NMNAT3: variants seen among roughly 807,000 people sequenced by gnomAD.
NMNAT3 encodes the protein nicotinamide nucleotide adenylyltransferase 3.
In NMNAT3, 21 loss-of-function variants were observed where a neutral mutation model predicts 24.8. The observed-to-expected ratio is 0.85, with a 90% confidence interval of 0.60 to 1.22. NMNAT3 has a LOEUF of 1.22. NMNAT3 is among the 50% of genes most tolerant of loss of function. The pLI, the probability that NMNAT3 is intolerant of heterozygous loss-of-function variation, is 0.00. For missense variants in NMNAT3, 387 were observed against 436.6 expected, an observed-to-expected ratio of 0.89 and a Z score of 1.01; for synonymous variants, 136 against 155.2, an observed-to-expected ratio of 0.88 and a Z score of 0.92.
chr3:139,648,896 G>T (rs898525963), intron 1 of NMNAT3, among the ~76,000 whole-genome samples: 2 of 151,290 alleles, frequency 1.3e-5, no homozygotes, highest in African/African-American at 4.9e-5. Flanking sequence ...TTCTCACATG[G>T]TTTAAACAAA....
intron 3 of NMNAT3, among the ~76,000 whole-genome samples, chr3:139,596,034 A>C (rs1028319355): frequency 2.6e-5 from 4 of 152,140 alleles, no homozygotes; most frequent in African/African-American, 9.7e-5. Context: ...AACCTACAAA[A>C]TTTTATATTC....
At chr3:139,657,254 A>G (rs1015725370) in intron 1 of NMNAT3, among the ~76,000 whole-genome samples, 2 of 152,242 alleles carry the variant, frequency 1.3e-5, no homozygotes, top group Non-Finnish European at 2.9e-5. Context: ...GATCTTTGGT[A>G]TTCAAGATGG....
intron 2 of NMNAT3, among the ~76,000 whole-genome samples, chr3:139,631,811 C>G (rs7653715): frequency 0.69 from 104,326 of 152,060 alleles, 37,322 homozygotes; most frequent in South Asian, 0.88. Flanking sequence ...TTACCTCCCC[C>G]CTACTGCCCT....
At chr3:139,561,449 CA>C in intron 6 of NMNAT3, 57 bp from the exon 7 acceptor site, 2 of 1,530,476 alleles carry the variant, frequency 1.3e-6, no homozygotes, top group Non-Finnish European at 1.8e-6. Flanking sequence ...CCAGGAAAGA[CA>C]ACATCATTGG....
At chr3:139,582,224 AC>A (rs1292790461) in intron 4 of NMNAT3, among the ~76,000 whole-genome samples, 2 of 151,264 alleles carry the variant, frequency 1.3e-5, no homozygotes, top group African/African-American at 4.9e-5. Context: ...AGAAAAAAAA[AC>A]CACATGTAAG....
At chr3:139,608,534 C>T (rs1289001666) in intron 3 of NMNAT3, among the ~76,000 whole-genome samples, 1 of 152,138 alleles carries the variant, frequency 6.6e-6, no homozygotes, top group Non-Finnish European at 1.5e-5. Flanking sequence ...TTTAATTAAT[C>T]AAATATGTTG....
intron 1 of NMNAT3, among the ~76,000 whole-genome samples, chr3:139,665,754 G>GAA (rs900111774): frequency 7.2e-6 from 1 of 139,720 alleles, no homozygotes; most frequent in Non-Finnish European, 1.6e-5. Context: ...GAGAGAGAGA[G>GAA]AGAGACCTTT....
At chr3:139,622,602 A>G (rs751516668) in intron 3 of NMNAT3, among the ~76,000 whole-genome samples, 10 of 150,872 alleles carry the variant, frequency 6.6e-5, no homozygotes, top group Non-Finnish European at 1.3e-4. Flanking sequence ...AGGCATGGTG[A>G]TGCATGCCTG....
chr3:139,630,100 ACAT>A (rs1292104092), intron 2 of NMNAT3, among the ~76,000 whole-genome samples: 1 of 152,198 alleles, frequency 6.6e-6, no homozygotes. Flanking sequence ...TCTCATGGTC[ACAT>A]CATAACCTCA....
At chr3:139,576,937 ATCCCAGCTAC>A (rs897956023) in intron 5 of NMNAT3, among the ~76,000 whole-genome samples, 1 of 151,948 alleles carries the variant, frequency 6.6e-6, no homozygotes, top group African/African-American at 2.4e-5. Flanking sequence ...TGTGCCTGTA[ATCCCAGCTAC>A]TTGGGAGGCT....
At chr3:139,648,267 G>C (rs1211641686) in intron 1 of NMNAT3, among the ~76,000 whole-genome samples, 1 of 152,176 alleles carries the variant, frequency 6.6e-6, no homozygotes, top group South Asian at 2.1e-4. Flanking sequence ...TTTGCCTTCT[G>C]CCATGATTGT....
intron 1 of NMNAT3, among the ~76,000 whole-genome samples, chr3:139,655,149 T>C (rs909759117): frequency 5.3e-5 from 8 of 152,332 alleles, no homozygotes; most frequent in Admixed American, 1.3e-4. Flanking sequence ...TGAGAGGCCA[T>C]GGAGCATGCT....
chr3:139,648,960 T>C (rs1408987498), intron 1 of NMNAT3, among the ~76,000 whole-genome samples: 1 of 152,246 alleles, frequency 6.6e-6, no homozygotes, highest in East Asian at 1.9e-4. Flanking sequence ...TAGATATGTT[T>C]ATGAATTTGT....
At chr3:139,656,973 G>A (rs1476371365) in intron 1 of NMNAT3, among the ~76,000 whole-genome samples, 1 of 152,094 alleles carries the variant, frequency 6.6e-6, no homozygotes, top group African/African-American at 2.4e-5. Flanking sequence ...TCATATTTTG[G>A]CAGTACCTAT....
chr3:139,665,848 T>C (rs2057563846), intron 1 of NMNAT3, among the ~76,000 whole-genome samples: 1 of 151,940 alleles, frequency 6.6e-6, no homozygotes, highest in African/African-American at 2.4e-5. Flanking sequence ...TATTGTTTTG[T>C]ATAAAAAGAG....
chr3:139,647,396 T>C (rs761972391), intron 1 of NMNAT3, among the ~76,000 whole-genome samples: 2 of 152,128 alleles, frequency 1.3e-5, no homozygotes, highest in African/African-American at 4.8e-5. Flanking sequence ...GTAAAATATA[T>C]TGGAAAGGAG....
At chr3:139,603,526 G>A (rs1486080026) in intron 3 of NMNAT3, among the ~76,000 whole-genome samples, 3 of 122,624 alleles carry the variant, frequency 2.4e-5, no homozygotes, top group Non-Finnish European at 6.1e-5. Context: ...ATCACCAACA[G>A]TGCCACCATC....
chr3:139,639,829 A>G (rs1258605290), intron 1 of NMNAT3, among the ~76,000 whole-genome samples: 1 of 152,228 alleles, frequency 6.6e-6, no homozygotes, highest in Non-Finnish European at 1.5e-5. Flanking sequence ...CAGACAGCAG[A>G]GTCAATTCTG....
At chr3:139,659,544 ATC>A (rs1190765940) in intron 1 of NMNAT3, among the ~76,000 whole-genome samples, 38 of 152,346 alleles carry the variant, frequency 2.5e-4, no homozygotes, top group African/African-American at 8.9e-4. Flanking sequence ...TTCTAAATAT[ATC>A]TGTTTACATA....
Sources: allele counts gnomAD v4.1 joint callset (sites outside exome capture counted in the v4.1 genomes callset), GRCh38; gene constraint gnomAD v4.1.1; transcripts MANE v1.5; gene names NCBI Gene and HGNC (gene_info 2026-07-23, HGNC 2026-07-21).